Variants in MACROD1 observed in about 807,000 individuals in gnomAD.
The protein encoded by MACROD1 is ADP-ribose glycohydrolase MACROD1.
MACROD1 carries 31 observed loss-of-function variants against 41.4 expected under a neutral mutation model. The observed-to-expected ratio is 0.75, with a 90% CI of 0.56 to 1.01. MACROD1 has a LOEUF of 1.01. Among genes scored for constraint, MACROD1 ranks in the 50% least tolerant of loss-of-function variants. The pLI is 0.00. For missense variants in MACROD1, 473 were observed against 460.0 expected (o/e 1.03, Z -0.26); for synonymous variants, 252 against 203.4 (o/e 1.24, Z -2.03).
At chr11:64,114,194 AGATGGATG>A (rs1224090833) in intron 3 of MACROD1, among the ~76,000 whole-genome samples, 14 of 118,978 alleles carry the variant, frequency 1.2e-4, no homozygotes, top group African/African-American at 3.6e-4. Context: ...ATGGATGGTT[AGATGGATG>A]GATGGATGGA....
At position 64,096,528 on chromosome 11, in the gene MACROD1, G is replaced by A. The variant is rs1220454216; in HGVS notation, c.517+54711C>T. 2.0e-5 allele frequency among the ~76,000 whole-genome samples: 3 copies of A among 151,858 alleles called. No homozygotes were observed. The highest frequency in any genetic ancestry group is 4.4e-5 in the Non-Finnish European group (3 of 67,956). On this transcript the variant is annotated intron_variant, in intron 3 of 10. Transcript: ENST00000255681. The surrounding 1 kb of genome is among the most constrained non-coding windows in gnomAD (Gnocchi z 4.6). The stretch of plus-strand genomic sequence containing the variant: ...CCTTCCGGGTTCAAGCAATTCTCTT[G>A]CCTCAGCCCACCGAGTAGCTGGGAT...
chr11:64,078,811 G>T (rs559301632), intron 3 of MACROD1, among the ~76,000 whole-genome samples: 41 of 152,094 alleles, frequency 2.7e-4, no homozygotes, highest in Non-Finnish European at 5.0e-4. Context: ...CTGAGCAGGG[G>T]GTGTGGGGGC....
chr11:64,163,831 G>A (rs969882258), intron 1 of MACROD1, among the ~76,000 whole-genome samples: 1 of 152,180 alleles, frequency 6.6e-6, no homozygotes, highest in African/African-American at 2.4e-5. Flanking sequence ...TAACTATTGG[G>A]GGATCTCCAC....
intron 1 of MACROD1, among the ~76,000 whole-genome samples, chr11:64,162,902 C>T (rs551130120): frequency 5.4e-4 from 82 of 152,266 alleles, no homozygotes; most frequent in Middle Eastern, 3.4e-3. Flanking sequence ...GGGCAGATCA[C>T]GAGGTCCGGA....
chr11:64,115,028 T>A (rs1415567305), intron 3 of MACROD1, among the ~76,000 whole-genome samples: 1 of 152,176 alleles, frequency 6.6e-6, no homozygotes, highest in Non-Finnish European at 1.5e-5. Flanking sequence ...GCTGGCTCAG[T>A]GAGCAGGTGC....
At chr11:64,144,737 T>A (rs974283052) in intron 3 of MACROD1, among the ~76,000 whole-genome samples, 4 of 152,254 alleles carry the variant, frequency 2.6e-5, no homozygotes, top group African/African-American at 9.6e-5. Context: ...GACTCGTCGC[T>A]GGCCCGGCCA....
chr11:64,035,077 A>G (rs1211157899), intron 3 of MACROD1, among the ~76,000 whole-genome samples: 1 of 152,158 alleles, frequency 6.6e-6, no homozygotes, highest in Non-Finnish European at 1.5e-5. Flanking sequence ...GGTCTTCTTC[A>G]TCTCTCACAG....
chr11:64,140,428 A>G (rs1456042358), intron 3 of MACROD1, among the ~76,000 whole-genome samples: 1 of 152,032 alleles, frequency 6.6e-6, no homozygotes, highest in Non-Finnish European at 1.5e-5. Context: ...CCAGCAGGTG[A>G]CTCGATTCCC....
chr11:64,060,953 G>A (rs1943890272), intron 3 of MACROD1, among the ~76,000 whole-genome samples: 1 of 151,872 alleles, frequency 6.6e-6, no homozygotes, highest in Non-Finnish European at 1.5e-5. Flanking sequence ...GGCGGCGGCG[G>A]CGGGGCTCCC....
intron 3 of MACROD1, among the ~76,000 whole-genome samples, chr11:64,111,374 G>A (rs1236458104): frequency 2.0e-5 from 3 of 152,238 alleles, no homozygotes; most frequent in African/African-American, 7.2e-5. Flanking sequence ...CTTGACCCTG[G>A]AGACTGAGGC....
chr11:64,037,673 C>T (rs1943408664), intron 3 of MACROD1, among the ~76,000 whole-genome samples: 1 of 152,016 alleles, frequency 6.6e-6, no homozygotes, highest in Non-Finnish European at 1.5e-5. Flanking sequence ...GCACCCAGTC[C>T]CATGTTCTTT....
intron 3 of MACROD1, among the ~76,000 whole-genome samples, chr11:64,113,756 G>A (rs1052721683): frequency 3.4e-5 from 5 of 146,522 alleles, no homozygotes; most frequent in African/African-American, 7.6e-5. Context: ...ATGGATGGAC[G>A]GACAGGTAAA....
At chr11:64,075,577 C>T (rs1052628020) in intron 3 of MACROD1, among the ~76,000 whole-genome samples, 2 of 152,268 alleles carry the variant, frequency 1.3e-5, no homozygotes, top group African/African-American at 2.4e-5. Context: ...CTTCCCTCAG[C>T]AGCCAGATCC....
At chr11:64,010,065 GCTGGGGTGTTGC>G (rs1942977236) in intron 4 of MACROD1, among the ~76,000 whole-genome samples, 1 of 148,718 alleles carries the variant, frequency 6.7e-6, no homozygotes, top group African/African-American at 2.5e-5. Flanking sequence ...TGGGGTGTTG[GCTGGGGTGTTGC>G]CCAGGGTGTT....
chr11:64,081,351 T>C (rs956926907), intron 3 of MACROD1, among the ~76,000 whole-genome samples: 2 of 152,172 alleles, frequency 1.3e-5, no homozygotes, highest in South Asian at 2.1e-4. Flanking sequence ...TCAATGACCA[T>C]GAACTCGCAT....
chr11:64,108,427 C>T (rs533139876), intron 3 of MACROD1, among the ~76,000 whole-genome samples: 15 of 152,236 alleles, frequency 9.9e-5, no homozygotes, highest in African/African-American at 3.6e-4. Flanking sequence ...GGCTTCCTGG[C>T]GAGAAGGAGG....
intron 3 of MACROD1, among the ~76,000 whole-genome samples, chr11:64,071,994 C>T (rs1482572495): frequency 1.3e-5 from 2 of 152,192 alleles, no homozygotes; most frequent in Non-Finnish European, 2.9e-5. Flanking sequence ...GCTCCTGAGC[C>T]GCTCCAGCAG....
intron 3 of MACROD1, among the ~76,000 whole-genome samples, chr11:64,141,999 C>G (rs1308363631): frequency 6.6e-6 from 1 of 152,246 alleles, no homozygotes; most frequent in Non-Finnish European, 1.5e-5. Flanking sequence ...AGGGCAGGCA[C>G]TGGGTTACAC....
chr11:64,093,505 C>G (rs542388073), intron 3 of MACROD1, among the ~76,000 whole-genome samples: 31 of 152,370 alleles, frequency 2.0e-4, no homozygotes, highest in Admixed American at 1.9e-3. Flanking sequence ...CTGGTGGGGG[C>G]AGCCTGGCCC....
Sources: allele counts gnomAD v4.1 joint callset (sites outside exome capture counted in the v4.1 genomes callset), GRCh38; gene constraint gnomAD v4.1.1; non-coding constraint Gnocchi (gnomAD v3.1); transcripts MANE v1.5; gene names NCBI Gene and HGNC (gene_info 2026-07-23, HGNC 2026-07-21).